The following TCF12 variants were observed in gnomAD, a reference collection of about 807,000 sequenced individuals.
TCF12 encodes DNA-binding protein HTF4.
A neutral mutation model predicts 86.0 loss-of-function variants in TCF12; 45 were observed. That is an observed-to-expected ratio of 0.52 (90% CI 0.41 to 0.67). The LOEUF is 0.67. Ranked by LOEUF, TCF12 falls within the 30% of genes least tolerant of loss-of-function variation. The pLI is 0.00. For missense variants in TCF12, 881 were observed against 859.9 expected (o/e 1.02, Z -0.31); for synonymous variants, 330 against 299.6 (o/e 1.10, Z -1.05).
intron 6 of TCF12, among the ~76,000 whole-genome samples, chr15:57,188,578 C>G (rs10467928): frequency 0.23 from 35,521 of 151,998 alleles, 4,768 homozygotes; most frequent in East Asian, 0.4. Context: ...TACTACAAAG[C>G]TACAGTTATT....
intron 5 of TCF12, among the ~76,000 whole-genome samples, chr15:57,119,126 C>T (rs1341229450): frequency 6.6e-6 from 1 of 152,018 alleles, no homozygotes; most frequent in African/African-American, 2.4e-5. Context: ...CGGAGTCTCA[C>T]TCTTTCACCA....
At chr15:57,020,874 G>A (rs939254740) in intron 3 of TCF12, among the ~76,000 whole-genome samples, 1 of 152,102 alleles carries the variant, frequency 6.6e-6, no homozygotes, top group Non-Finnish European at 1.5e-5. Context: ...GATTATTTTT[G>A]TGAAGAGCTT....
At chr15:57,017,229 T>C (rs1189894109) in intron 3 of TCF12, among the ~76,000 whole-genome samples, 15 of 152,162 alleles carry the variant, frequency 9.9e-5, no homozygotes, top group Admixed American at 9.8e-4. Flanking sequence ...CCCCATGTAA[T>C]AAAAGATCCA....
In TCF12 at chr15:57,052,716, A is replaced by ATG. The variant is rs201600564; in HGVS notation, c.149-11032_149-11031dup. Reference sequence around the variant, plus strand: ...TGTCCTTATGTTAAGTAACAGTGTCATGTTATTTATAAATACTTCTTTAGT... The same window carrying ATG: ...TGTCCTTATGTTAAGTAACAGTGTCATGTGTTATTTATAAATACTTCTTTAGT... On this transcript the variant is annotated intron_variant, in intron 3 of 20. Transcript: ENST00000333725. Among the ~76,000 whole-genome samples, 1,233 of 152,098 alleles carry ATG rather than the reference A, an allele frequency of 8.1e-3. 15 individuals carry two copies. Among genetic ancestry groups the ATG allele is most frequent in the African/African-American group, 0.028 (1,165 of 41,512 alleles).
intron 3 of TCF12, among the ~76,000 whole-genome samples, chr15:57,052,848 A>G (rs1203726000): frequency 6.6e-6 from 1 of 152,194 alleles, no homozygotes; most frequent in East Asian, 1.9e-4. Flanking sequence ...TAAACAGTAT[A>G]ACTTCATCCA....
At chr15:57,132,815 A>G (rs1191296750) in intron 5 of TCF12, among the ~76,000 whole-genome samples, 4 of 152,222 alleles carry the variant, frequency 2.6e-5, no homozygotes, top group East Asian at 1.9e-4. Context: ...GGAGCTGACA[A>G]GAGCTCTGTG....
chr15:57,035,697 A>G (rs374432473), intron 3 of TCF12, among the ~76,000 whole-genome samples: 16 of 152,046 alleles, frequency 1.1e-4, no homozygotes, highest in East Asian at 7.7e-4. Flanking sequence ...ATTTTTGGGG[A>G]AAAAAACACC....
At chr15:57,230,019 A>G (rs2059060227) in intron 8 of TCF12, among the ~76,000 whole-genome samples, 1 of 151,938 alleles carries the variant, frequency 6.6e-6, no homozygotes, top group Non-Finnish European at 1.5e-5. Flanking sequence ...TTGGGGTAAA[A>G]TATCAAATTA....
At chr15:57,061,686 C>CG (rs1242362398) in intron 3 of TCF12, among the ~76,000 whole-genome samples, 2 of 152,094 alleles carry the variant, frequency 1.3e-5, no homozygotes, top group Admixed American at 1.3e-4. Flanking sequence ...CATAAAAAGA[C>CG]TAAGTTATGG....
intron 4 of TCF12, among the ~76,000 whole-genome samples, chr15:57,076,651 A>G (rs1168555884): frequency 1.3e-5 from 2 of 148,942 alleles, no homozygotes; most frequent in African/African-American, 5.2e-5. Flanking sequence ...AAAAAAAAAA[A>G]AGAAAAGAAA....
At chr15:57,023,561 T>A (rs2065627902) in intron 3 of TCF12, among the ~76,000 whole-genome samples, 1 of 152,210 alleles carries the variant, frequency 6.6e-6, no homozygotes, top group Non-Finnish European at 1.5e-5. Flanking sequence ...CCAAACCTCT[T>A]AATAATTATT....
At chr15:57,248,704 C>G (rs149032649) in intron 13 of TCF12, among the ~76,000 whole-genome samples, 1 of 152,158 alleles carries the variant, frequency 6.6e-6, no homozygotes, top group South Asian at 2.1e-4. Flanking sequence ...TACACTGGAA[C>G]GGGCCAGTCT....
At chr15:56,925,756 G>C (rs2059983497) in intron 3 of TCF12, among the ~76,000 whole-genome samples, 1 of 152,198 alleles carries the variant, frequency 6.6e-6, no homozygotes, top group East Asian at 1.9e-4. Context: ...CATTTAATAA[G>C]ACTGCTTTTG....
At chr15:57,005,230 C>A (rs948431656) in intron 3 of TCF12, among the ~76,000 whole-genome samples, 1 of 152,036 alleles carries the variant, frequency 6.6e-6, no homozygotes, top group African/African-American at 2.4e-5. Flanking sequence ...TTTGGAGAAC[C>A]CTTGATTAAA....
intron 3 of TCF12, among the ~76,000 whole-genome samples, chr15:57,029,941 C>T (rs370476557): frequency 1.3e-5 from 2 of 152,140 alleles, no homozygotes; most frequent in African/African-American, 4.8e-5. Flanking sequence ...AGTGGTGTTA[C>T]GTTATATGGA....
At chr15:57,154,260 A>T (rs1313714743) in intron 5 of TCF12, among the ~76,000 whole-genome samples, 1 of 152,128 alleles carries the variant, frequency 6.6e-6, no homozygotes, top group Non-Finnish European at 1.5e-5. Context: ...TTAAATAGTG[A>T]ACTACTTAAC....
At chr15:57,018,738 A>G (rs541060214) in intron 3 of TCF12, among the ~76,000 whole-genome samples, 1 of 152,284 alleles carries the variant, frequency 6.6e-6, no homozygotes, top group African/African-American at 2.4e-5. Flanking sequence ...ACTGTGCCCT[A>G]GCCGGGGCCT....
chr15:57,223,654 T>TTGTTTGTTTTTTG (rs56405255), intron 8 of TCF12, among the ~76,000 whole-genome samples: 5 of 129,964 alleles, frequency 3.8e-5, no homozygotes, highest in South Asian at 2.6e-4. Context: ...TTTTTTTTTT[T>TTGTTTGTTTTTTG]TTTTTTTTTT....
chr15:57,247,112 G>C (rs563923100), intron 13 of TCF12: 57 of 574,006 alleles, frequency 9.9e-5, no homozygotes, highest in South Asian at 1.4e-4. Flanking sequence ...CACCACCGTA[G>C]TTACCACCGC....
Sources: allele counts gnomAD v4.1 joint callset (sites outside exome capture counted in the v4.1 genomes callset), GRCh38; gene constraint gnomAD v4.1.1; transcripts MANE v1.5; gene names NCBI Gene and HGNC (gene_info 2026-07-23, HGNC 2026-07-21).